Variants in LIFR observed in about 807,000 individuals in gnomAD.
The protein encoded by LIFR is leukemia inhibitory factor receptor.
A neutral mutation model predicts 122.2 loss-of-function variants in LIFR; 84 were observed. The observed-to-expected ratio is 0.69, with a 90% CI of 0.58 to 0.82. LIFR has a LOEUF of 0.82. LIFR is among the 40% of genes least tolerant of loss of function. The pLI is 0.00. For synonymous variants in LIFR, 422 were observed against 434.7 expected, an observed-to-expected ratio of 0.97 and a Z score of 0.36; for missense variants, 1,294 against 1,311.6, an observed-to-expected ratio of 0.99 and a Z score of 0.21.
chr5:38,532,905 A>G (rs1317366655), intron 1 of LIFR, among the ~76,000 whole-genome samples: 1 of 152,154 alleles, frequency 6.6e-6, no homozygotes, highest in Non-Finnish European at 1.5e-5. Flanking sequence ...AGGAGCACAA[A>G]TTTTTATACG....
intron 1 of LIFR, among the ~76,000 whole-genome samples, chr5:38,572,441 C>T (rs907028092): frequency 1.3e-5 from 2 of 152,184 alleles, no homozygotes; most frequent in Non-Finnish European, 2.9e-5. Flanking sequence ...TCATTCATAT[C>T]CCACCAGGCC....
chr5:38,598,229 T>A (rs868198767), upstream of LIFR, among the ~76,000 whole-genome samples: 1,961 of 44,134 alleles, frequency 0.044, 21 homozygotes, highest in Non-Finnish European at 0.055. Context: ...TTTTTTTTTT[T>A]TTTATTTATT....
intron 1 of LIFR, among the ~76,000 whole-genome samples, chr5:38,555,855 A>T (rs1285570320): frequency 6.6e-6 from 1 of 152,186 alleles, no homozygotes; most frequent in African/African-American, 2.4e-5. Flanking sequence ...TCTTTCACAA[A>T]GCCTAACTTT....
chr5:38,563,727 C>A (rs1332856788), intron 1 of LIFR, among the ~76,000 whole-genome samples: 1 of 152,158 alleles, frequency 6.6e-6, no homozygotes, highest in Non-Finnish European at 1.5e-5. Flanking sequence ...GGGCTGTCAT[C>A]TCCATTTACA....
rs1274767198 is a variant in LIFR at position 38,496,481 on chromosome 5, T to C, written c.1786A>G (p.Ile596Val). ...ATGTAGTCATTCTTATCAAGTCGTA[T>C]CTCTGCTTTGTGCTGAGGATCAGGG... ...EIPDPQHKAEIRLDKNDYIIS... is the reference protein window; with the variant it reads ...EIPDPQHKAEVRLDKNDYIIS... Residue 596 changes from isoleucine to valine, a missense_variant, in exon 13 of 20, where the codon ATA becomes GTA. Coordinates refer to ENST00000453190, the MANE Select transcript of LIFR (RefSeq NM_001127671.2). The C allele has an allele frequency of 6.2e-7, 1 of 1,614,098 alleles. No homozygotes were observed. Among genetic ancestry groups the C allele is most frequent in the East Asian group, 2.2e-5 (1 of 44,886 alleles).
intron 1 of LIFR, among the ~76,000 whole-genome samples, chr5:38,574,763 A>G (rs1749328528): frequency 6.6e-6 from 1 of 152,180 alleles, no homozygotes; most frequent in African/African-American, 2.4e-5. Flanking sequence ...ACTATACTCT[A>G]CTTTGCATGC....
At position 38,493,697 on chromosome 5, in the gene LIFR, G is replaced by T. The variant is rs762685098; in HGVS notation, c.1974C>A (p.Val658=). 2 of 1,614,136 alleles carry T rather than the reference G, an allele frequency of 1.2e-6. No individual in the cohort carries two copies. The highest frequency in any genetic ancestry group is 1.7e-5 in the Admixed American group (1 of 60,028). ...HYDPNMTCDY[V]IKWCNSSRSE... is the part of the protein sequence containing the mutation. The stretch of plus-strand genomic sequence containing the variant: ...ACCGAGACGAGTTACACCACTTAAT[G>T]ACGTAGTCGCAAGTCATGTTGGGGT... The change falls in exon 14 of 20, where the codon GTC becomes GTA. Residue 658 remains valine, a synonymous_variant. Coordinates refer to ENST00000453190, the MANE Select transcript of LIFR (RefSeq NM_001127671.2).
At chr5:38,512,111 A>G (rs1424524574) in intron 5 of LIFR, 147 bp from the exon 6 acceptor site, 5 of 768,922 alleles carry the variant, frequency 6.5e-6, no homozygotes, top group African/African-American at 3.4e-5. Flanking sequence ...TGTGTAAGGT[A>G]TAATAGCAGA....
intron 15 of LIFR, 31 bp downstream of exon 15, chr5:38,490,159 G>T: frequency 3.2e-6 from 3 of 942,898 alleles, no homozygotes; most frequent in Non-Finnish European, 5.1e-6. Flanking sequence ...GTTGCCTTGA[G>T]CTCTTATAAA....
intron 1 of LIFR, among the ~76,000 whole-genome samples, chr5:38,565,367 T>C (rs1748984950): frequency 6.6e-6 from 1 of 152,120 alleles, no homozygotes; most frequent in African/African-American, 2.4e-5. Flanking sequence ...AGCATAGCTA[T>C]TGCCTAACTA....
intron 5 of LIFR, among the ~76,000 whole-genome samples, chr5:38,520,184 T>C (rs1464257403): frequency 6.6e-6 from 1 of 152,186 alleles, no homozygotes; most frequent in African/African-American, 2.4e-5. Flanking sequence ...TGAGCTGATT[T>C]GATTGTGGTT....
intron 1 of LIFR, among the ~76,000 whole-genome samples, chr5:38,572,520 T>C (rs185046209): frequency 6.6e-6 from 1 of 152,140 alleles, no homozygotes; most frequent in South Asian, 2.1e-4. Flanking sequence ...AACTATTGAT[T>C]TGAAAATCCT....
intron 1 of LIFR, among the ~76,000 whole-genome samples, chr5:38,580,887 C>A (rs1749558578): frequency 1.3e-5 from 2 of 152,094 alleles, no homozygotes. Context: ...TCTCCGTGTG[C>A]TTCAGATGCT....
At chr5:38,484,155 G>A (rs761339118) in intron 18 of LIFR, among the ~76,000 whole-genome samples, 6 of 152,188 alleles carry the variant, frequency 3.9e-5, no homozygotes, top group African/African-American at 9.7e-5. Flanking sequence ...CAGACCAGCC[G>A]TGACGGGCCA....
chr5:38,599,606 C>A (rs1459749800), upstream of LIFR, among the ~76,000 whole-genome samples: 1 of 152,058 alleles, frequency 6.6e-6, no homozygotes, highest in Non-Finnish European at 1.5e-5. Flanking sequence ...ATGGAAAGTG[C>A]CAAATAATCT....
At position 38,475,808 on chromosome 5, in the gene LIFR, T is replaced by C. The variant is rs1361786536; in HGVS notation, c.*5787A>G. 1 of 188,832 alleles carries C rather than the reference T, an allele frequency of 5.3e-6. No homozygotes were observed. Among genetic ancestry groups the C allele is most frequent in the East Asian group, 8.6e-5 (1 of 11,678 alleles). 11.7% of individuals were successfully genotyped at this position (188,832 alleles called of 1,614,324 possible). On this transcript the variant is annotated 3_prime_UTR_variant, in exon 20 of 20. Transcript: ENST00000453190. Reference sequence around the variant, plus strand: ...AAACCTAACATCCTTATTAGGAAAGTTAAGTATTTTGAAATGATTTATTTT... The same window carrying C: ...AAACCTAACATCCTTATTAGGAAAGCTAAGTATTTTGAAATGATTTATTTT...
At position 38,490,300 on chromosome 5, in the gene LIFR, T is replaced by C. The variant is rs1339860191; in HGVS notation, c.2066-9A>G. Reference sequence around the variant, plus strand: ...ACCTGGTCGAAACTCATCTATAGGATGAACATATCAGCAAACTTTCATAAA... The same window carrying C: ...ACCTGGTCGAAACTCATCTATAGGACGAACATATCAGCAAACTTTCATAAA... On this transcript the variant is annotated splice_polypyrimidine_tract_variant and intron_variant, in intron 14 of 19. Transcript: ENST00000453190. The C allele has an allele frequency of 2.4e-6, 3 of 1,241,390 alleles. No individual in the cohort carries two copies. The African/African-American group carries it at 4.4e-5, about 18-fold the overall frequency. The allele number at this position is 1,241,390 out of a possible 1,614,324, so 76.9% of individuals were successfully genotyped here.
chr5:38,570,481 A>T (rs1448268246), intron 1 of LIFR, among the ~76,000 whole-genome samples: 1 of 152,152 alleles, frequency 6.6e-6, no homozygotes, highest in Admixed American at 6.5e-5. Flanking sequence ...CTTGCAAAAC[A>T]TGTTGGAATT....
At chr5:38,496,347 C>T in intron 13 of LIFR, 35 bp downstream of exon 13, 1 of 1,481,888 alleles carries the variant, frequency 6.7e-7, no homozygotes, top group Admixed American at 1.7e-5. Context: ...CTTTAGTTTC[C>T]CGTTCTTATA....
Sources: allele counts gnomAD v4.1 joint callset (sites outside exome capture counted in the v4.1 genomes callset), GRCh38; gene constraint gnomAD v4.1.1; transcripts MANE v1.5; gene names NCBI Gene and HGNC (gene_info 2026-07-23, HGNC 2026-07-21).